Variants in APOBEC3B observed in about 807,000 individuals in gnomAD.
APOBEC3B encodes the protein apolipoprotein B mRNA editing enzyme catalytic subunit 3B, also known as DNA dC->dU-editing enzyme APOBEC-3B.
In APOBEC3B, 29 loss-of-function variants were observed where a neutral mutation model predicts 53.4. The observed-to-expected ratio is 0.54, with a 90% confidence interval of 0.40 to 0.74. The LOEUF (loss-of-function observed/expected upper bound fraction) is 0.74. APOBEC3B is among the 30% of genes least tolerant of loss of function. The pLI is 0.00. For missense variants in APOBEC3B, 347 were observed against 496.2 expected, an observed-to-expected ratio of 0.70 and a Z score of 2.86; for synonymous variants, 132 against 184.8, an observed-to-expected ratio of 0.71 and a Z score of 2.32.
rs952087744 is a variant in APOBEC3B at position 38,989,845 on chromosome 22, A to G, written c.723+235A>G. Among the ~76,000 whole-genome samples, 10 of 148,394 alleles carry G rather than the reference A, an allele frequency of 6.7e-5. 2 individuals are homozygous for G. The highest frequency in any genetic ancestry group is 2.2e-4 in the African/African-American group (9 of 40,752). ...AGTGCTTCCTGAGGACCCTCCCAGG[A>G]TCCCCTCACAGACACAGCTCTCACC... On this transcript the variant is annotated intron_variant, in intron 5 of 7. Coordinates refer to ENST00000333467, the MANE Select transcript of APOBEC3B (RefSeq NM_004900.5).
intron 5 of APOBEC3B, among the ~76,000 whole-genome samples, 190 bp downstream of exon 5, chr22:38,989,800 T>C (rs1179325499): frequency 2.7e-5 from 4 of 148,016 alleles, no homozygotes; most frequent in Admixed American, 7.0e-5. Flanking sequence ...CCAGGTGGGG[T>C]TGAGTCTGCC....
At chr22:38,990,571 T>A (rs1923953621) in intron 5 of APOBEC3B, among the ~76,000 whole-genome samples, 1 of 148,020 alleles carries the variant, frequency 6.8e-6, no homozygotes, top group Admixed American at 6.9e-5. Context: ...TTATACCATG[T>A]CACAGGGACC....
intron 4 of APOBEC3B, among the ~76,000 whole-genome samples, chr22:38,987,031 G>A (rs114760397): frequency 0.013 from 1,864 of 148,894 alleles, 137 homozygotes; most frequent in African/African-American, 0.043. Context: ...CATAAAGTGA[G>A]GCTTGCACTC....
intron 3 of APOBEC3B, 51 bp downstream of exon 3, chr22:38,986,142 G>A (rs1461097592): frequency 6.3e-7 from 1 of 1,577,196 alleles, no homozygotes; most frequent in Admixed American, 1.8e-5. Context: ...CAGCATGAAA[G>A]ATGGATGGAT....
chr22:38,982,492 G>GC (rs1569036488), intron 1 of APOBEC3B, 22 bp downstream of exon 1: 1 of 1,592,848 alleles, frequency 6.3e-7, no homozygotes, highest in Non-Finnish European at 8.5e-7. Flanking sequence ...CACTCTGCCT[G>GC]CTGGGCCCCT....
chr22:38,991,981 G>C, intron 6 of APOBEC3B, 53 bp from the exon 7 acceptor site: 1 of 1,507,974 alleles, frequency 6.6e-7, no homozygotes, highest in South Asian at 1.3e-5. Flanking sequence ...GGCCCTTGGT[G>C]CTGCCCCCTC....
At position 38,985,827 on chromosome 22, in the gene APOBEC3B, C is replaced by G. The variant is rs1331942661; in HGVS notation, c.190C>G (p.Gln64Glu). Residue 64 changes from glutamine (Q) to glutamate (E), a missense_variant, in exon 3 of 8, where the codon CAG (glutamine) becomes GAG (glutamate). Coordinates refer to ENST00000333467, the MANE Select transcript of APOBEC3B (RefSeq NM_004900.5). ...CCTCTCCCAGGTGTATTTCAAGCCT[C>G]AGTACCACGCAGAAATGTGCTTCCT... ...VFRGQVYFKP[Q>E]YHAEMCFLSW... 9 of 1,591,514 alleles carry G rather than the reference C, an allele frequency of 5.7e-6. No homozygotes were observed. The highest frequency in any genetic ancestry group is 1.8e-5 in the Admixed American group (1 of 56,038).
intron 7 of APOBEC3B, 119 bp downstream of exon 7, chr22:38,992,268 G>A (rs775647396): frequency 9.1e-6 from 14 of 1,535,652 alleles, no homozygotes; most frequent in African/African-American, 4.2e-5. Flanking sequence ...CCCACAGGGC[G>A]CCCAGCTCCG....
rs1923997482 is a variant in APOBEC3B, at chr22:38,991,537, C to T, written c.929C>T (p.Ala310Val). The change falls in exon 6 of 8, where the codon GCC (alanine) becomes GTC (valine). Residue 310 changes from alanine (A) to valine (V), a missense_variant. By Grantham distance (64) the Ala-to-Val change is moderately conservative. Coordinates refer to ENST00000333467, the MANE Select transcript of APOBEC3B (RefSeq NM_004900.5). ...NTHVRLRIFAARIYDYDPLYK... is the reference protein window; with the variant it reads ...NTHVRLRIFAVRIYDYDPLYK... ...CACGTGAGACTGCGCATCTTCGCTG[C>T]CCGCATCTATGATTACGACCCCCTA... 1 of 1,593,854 alleles carries T rather than the reference C, an allele frequency of 6.3e-7. No individual in the cohort carries two copies. Among genetic ancestry groups the T allele is most frequent in the Non-Finnish European group, 8.5e-7 (1 of 1,172,744 alleles).
intron 1 of APOBEC3B, 87 bp downstream of exon 1, chr22:38,982,557 C>G (rs1923575100): frequency 6.6e-7 from 1 of 1,504,900 alleles, no homozygotes; most frequent in East Asian, 2.6e-5. Context: ...CCTCCCCCCG[C>G]CCCTGCCCCA....
chr22:38,988,635 C>CCTT (rs1569038873), intron 4 of APOBEC3B, among the ~76,000 whole-genome samples: 4 of 75,632 alleles, frequency 5.3e-5, no homozygotes, highest in Non-Finnish European at 7.6e-5. Context: ...CTTCCTTCCT[C>CCTT]CCTTCCTTCC....
intron 4 of APOBEC3B, among the ~76,000 whole-genome samples, chr22:38,987,626 G>A (rs1923794716): frequency 1.3e-5 from 2 of 148,384 alleles, no homozygotes; most frequent in Non-Finnish European, 3.0e-5. Context: ...AGAGGGTGTG[G>A]GGGAGGAAAT....
At position 38,991,574 on chromosome 22, in the gene APOBEC3B, G is replaced by T. The variant is rs199755827; in HGVS notation, c.966G>T (p.Ala322=). Residue 322 remains alanine (A), a synonymous_variant, in exon 6 of 8, where the codon GCG becomes GCT. Transcript: ENST00000333467. ...ATTACGACCCCCTATATAAGGAGGCGCTGCAAATGCTGCGGGATGCTGGGG... is the reference window on the plus strand; with the variant it reads ...ATTACGACCCCCTATATAAGGAGGCTCTGCAAATGCTGCGGGATGCTGGGG... ...IYDYDPLYKE[A]LQMLRDAGAQ... The T allele has an allele frequency of 4.7e-5, 75 of 1,591,690 alleles. 6 individuals are homozygous for T. The highest frequency in any genetic ancestry group is 6.1e-5 in the Non-Finnish European group (71 of 1,171,918).
In APOBEC3B at chr22:38,986,074, C is replaced by A. The variant is rs5995649; in HGVS notation, c.437C>A (p.Thr146Lys). Residue 146 changes from threonine to lysine, a missense_variant, in exon 3 of 8, where the codon ACG becomes AAG. Physicochemically the swap from Thr to Lys is moderately conservative, Grantham distance 78 (BLOSUM62 -1). Around this residue, in one of 5 missense-constraint regions of APOBEC3B, gnomAD observed 156 missense variants for 166.7 expected, o/e 0.94. Transcript: ENST00000333467. Reference protein sequence around the residue: ...CRLSQAGARVTIMDYEEFAYC... With the variant: ...CRLSQAGARVKIMDYEEFAYC... ...CTGAGTCAGGCAGGAGCCCGCGTGACGATCATGGACTATGAAGGTGAGAGG... is the reference window on the plus strand; with the variant it reads ...CTGAGTCAGGCAGGAGCCCGCGTGAAGATCATGGACTATGAAGGTGAGAGG... The A allele has an allele frequency of 0.96, 1,521,913 of 1,591,622 alleles. 733,181 individuals carry two copies. Among genetic ancestry groups the A allele is most frequent in the East Asian group, 0.98 (38,812 of 39,644 alleles).
intron 1 of APOBEC3B, among the ~76,000 whole-genome samples, chr22:38,983,099 A>G (rs896078257): frequency 6.7e-6 from 1 of 148,184 alleles, no homozygotes; most frequent in Non-Finnish European, 1.5e-5. Context: ...CGGGCGGATC[A>G]TGAGGTCGGG....
chr22:38,985,827 C>T lies in APOBEC3B; in HGVS notation c.190C>T (p.Gln64Ter). 3 of 1,591,584 alleles carry T rather than the reference C, an allele frequency of 1.9e-6. No homozygotes were observed. Among genetic ancestry groups the T allele is most frequent in the Non-Finnish European group, 2.6e-6 (3 of 1,172,028 alleles). Reference sequence around the variant, plus strand: ...CCTCTCCCAGGTGTATTTCAAGCCTCAGTACCACGCAGAAATGTGCTTCCT... The same window carrying T: ...CCTCTCCCAGGTGTATTTCAAGCCTTAGTACCACGCAGAAATGTGCTTCCT... Reference protein sequence around the residue: ...VFRGQVYFKPQYHAEMCFLSW... With the variant: ...VFRGQVYFKP Residue 64 changes from glutamine (Q) to a stop codon, truncating the protein, a stop_gained, in exon 3 of 8, where the codon CAG (glutamine) becomes TAG (stop). Coordinates refer to ENST00000333467, the MANE Select transcript of APOBEC3B (RefSeq NM_004900.5). LOFTEE classifies it high-confidence loss of function.
rs755259175 is a variant in APOBEC3B at position 38,992,022 on chromosome 22, G to C, written c.1019-12G>C. ...AACAGGAGCGTGACTTATCTCCCCT[G>C]TCCCTTTTCAGAGTTTGAGTACTGC... On this transcript the variant is annotated splice_polypyrimidine_tract_variant and intron_variant, in intron 6 of 7. Transcript: ENST00000333467. 2 of 1,571,626 alleles carry C rather than the reference G, an allele frequency of 1.3e-6. No homozygotes were observed. The highest frequency in any genetic ancestry group is 1.7e-6 in the Non-Finnish European group (2 of 1,160,924).
rs565440710 is a variant in APOBEC3B, at chr22:38,991,108, C to T, written c.724-224C>T. ...GGGGCAAAATAAAACCTCATTGCTC[C>T]TGATCTGTTTGTATTTAAATGGGCA... On this transcript the variant is annotated intron_variant, in intron 5 of 7. Transcript: ENST00000333467. Among the ~76,000 whole-genome samples, 75 of 147,972 alleles carry T rather than the reference C, an allele frequency of 5.1e-4. 3 individuals carry two copies. The highest frequency in any genetic ancestry group is 1.8e-3 in the African/African-American group (74 of 40,958).
In APOBEC3B at chr22:38,989,646, C is replaced by T. The variant is rs765449992; in HGVS notation, c.723+36C>T. 3.3e-6 allele frequency: 5 copies of T among 1,533,258 alleles called. No individual in the cohort carries two copies. The African/African-American group carries it at 4.1e-5, about 13-fold the overall frequency. The allele number at this position is 1,533,258 out of a possible 1,614,324, so 95.0% of individuals were successfully genotyped here. On this transcript the variant is annotated intron_variant, in intron 5 of 7. Coordinates refer to ENST00000333467, the MANE Select transcript of APOBEC3B (RefSeq NM_004900.5). ...CAGCCACCTGCATCCAGGCAGGGCC[C>T]TCCCAATCCAGGGACACTCATAGAT...
Sources: allele counts gnomAD v4.1 joint callset (sites outside exome capture counted in the v4.1 genomes callset), GRCh38; gene constraint gnomAD v4.1.1; regional missense constraint gnomAD v4.1.1; transcripts MANE v1.5; gene names NCBI Gene and HGNC (gene_info 2026-07-23, HGNC 2026-07-21).